Variants in SCARB2 observed in about 807,000 individuals in gnomAD.
The protein encoded by SCARB2 is scavenger receptor class B member 2.
SCARB2 carries 29 observed loss-of-function variants against 58.6 expected under a neutral mutation model. The ratio of observed to expected loss-of-function variants is 0.49; its 90% CI spans 0.37 to 0.67. The LOEUF (loss-of-function observed/expected upper bound fraction) is 0.67, where lower values mean the gene tolerates loss of function less well. Ranked by LOEUF, SCARB2 falls within the 30% of genes least tolerant of loss-of-function variation. The pLI, the probability that SCARB2 is intolerant of heterozygous loss-of-function variation, is 0.00. For synonymous variants in SCARB2, 195 were observed against 210.1 expected (o/e 0.93, Z 0.62); for missense variants, 488 against 578.5 (o/e 0.84, Z 1.60).
chr4:76,217,973 A>G (rs548318610), upstream of SCARB2, among the ~76,000 whole-genome samples: 1 of 152,396 alleles, frequency 6.6e-6, no homozygotes, highest in South Asian at 2.1e-4. Context: ...AATGAGTTTA[A>G]TGATGTAGTC....
At chr4:76,190,765 C>A (rs1029903880) in intron 2 of SCARB2, among the ~76,000 whole-genome samples, 1 of 152,018 alleles carries the variant, frequency 6.6e-6, no homozygotes, top group Non-Finnish European at 1.5e-5. Context: ...GCCTGGGAGA[C>A]AGAATGAGAC....
At position 76,226,211 on chromosome 4, in the gene SCARB2, A is replaced by C. The variant is rs537758099; in HGVS notation, c.-358+8092T>G. ...AAGGCCCTGAGCTCTGGGAACCCAT[A>C]CTATTTACTGGTAATCAAACAAAGA... On this transcript the variant is annotated intron_variant, in intron 1 of 11. Transcript: ENST00000638295. Among the ~76,000 whole-genome samples the C allele has an allele frequency of 1.6e-4, 24 of 152,228 alleles. No individual in the cohort carries two copies. In the South Asian group the frequency reaches 5.0e-3, roughly 32 times the overall value.
upstream of SCARB2, among the ~76,000 whole-genome samples, chr4:76,216,168 CTGT>C (rs1299055365): frequency 6.6e-6 from 1 of 152,194 alleles, no homozygotes; most frequent in Admixed American, 6.5e-5. Flanking sequence ...CTCTTCTCTG[CTGT>C]TAAGTTTCAG....
intron 7 of SCARB2, chr4:76,173,582 C>A: frequency 6.4e-6 from 1 of 156,200 alleles, no homozygotes; most frequent in South Asian, 1.9e-4. Flanking sequence ...AAGCAATCCT[C>A]ACATCTCGGC....
chr4:76,197,766 T>A (rs946344184), intron 1 of SCARB2, among the ~76,000 whole-genome samples: 5 of 152,332 alleles, frequency 3.3e-5, no homozygotes, highest in Admixed American at 6.5e-5. Context: ...ACTTTGAGTG[T>A]CGAGAATTTG....
At chr4:76,181,263 C>T (rs186837971) in intron 2 of SCARB2, among the ~76,000 whole-genome samples, 162 bp from the exon 3 acceptor site, 1 of 152,222 alleles carries the variant, frequency 6.6e-6, no homozygotes. Flanking sequence ...GAGATCGAAG[C>T]TATAATGTGG....
chr4:76,213,666 C>A lies in SCARB2; in HGVS notation c.-123G>T, dbSNP rs1733126150. ...CTTCGGCGCCACGCCCACGCCCTCC[C>A]GGCGCACGGTTCGTGCGCGCAGCTC... On this transcript the variant is annotated 5_prime_UTR_variant, in exon 1 of 12. Coordinates refer to ENST00000264896, the MANE Select transcript of SCARB2 (RefSeq NM_005506.4). The A allele has an allele frequency of 4.0e-6, 3 of 745,990 alleles. No individual in the cohort carries two copies. Among genetic ancestry groups the A allele is most frequent in the Admixed American group, 4.7e-5 (2 of 42,958 alleles). 46.2% of individuals were successfully genotyped at this position (745,990 alleles called of 1,614,324 possible).
At position 76,161,762 on chromosome 4, in the gene SCARB2, G is replaced by C. The variant is rs1392686046; in HGVS notation, c.1399-11C>G. 6.2e-7 allele frequency: 1 copy of C among 1,614,090 alleles called. No individual in the cohort carries two copies. The highest frequency in any genetic ancestry group is 1.7e-5 in the Admixed American group (1 of 60,026). On this transcript the variant is annotated splice_polypyrimidine_tract_variant and intron_variant, in intron 11 of 11. Transcript: ENST00000264896. ...TTCATCCGCTGTTCCCTGAAACACA[G>C]AAGAGAGAAAACAAGTTAGATGTTC...
chr4:76,169,918 T>C lies in SCARB2; in HGVS notation c.1062A>G (p.Glu354=). 1 of 1,614,104 alleles carries C rather than the reference T, an allele frequency of 6.2e-7. No individual in the cohort carries two copies. The highest frequency in any genetic ancestry group is 8.5e-7 in the Non-Finnish European group (1 of 1,179,984). Residue 354 remains glutamate, a synonymous_variant, in exon 8 of 12, where the codon GAA becomes GAG. Transcript: ENST00000264896. The part of the protein sequence containing the change: ...QADERFVSAI[E]GMHPNQEDHE... ...GGTCTTCCTGATTTGGGTGCATGCC[T>C]TCTATGGCAGAAACAAACCTCTCAT...
At chr4:76,168,793 C>T (rs1732067022) in intron 8 of SCARB2, among the ~76,000 whole-genome samples, 1 of 152,238 alleles carries the variant, frequency 6.6e-6, no homozygotes, top group Non-Finnish European at 1.5e-5. Context: ...CTGAATAGCA[C>T]AGCCTTAGAA....
intron 1 of SCARB2, among the ~76,000 whole-genome samples, chr4:76,229,380 G>C (rs921641260): frequency 6.6e-6 from 1 of 152,154 alleles, no homozygotes; most frequent in Non-Finnish European, 1.5e-5. Context: ...TCCATTGCTA[G>C]GGAGCTAGTG....
At chr4:76,183,569 G>C (rs984716033) in intron 2 of SCARB2, among the ~76,000 whole-genome samples, 3 of 151,908 alleles carry the variant, frequency 2.0e-5, no homozygotes, top group Non-Finnish European at 2.9e-5. Flanking sequence ...CTGCAGGCTC[G>C]CTACTCTCCA....
chr4:76,232,176 C>T (rs925601450), intron 1 of SCARB2, among the ~76,000 whole-genome samples: 1 of 152,116 alleles, frequency 6.6e-6, no homozygotes, highest in Non-Finnish European at 1.5e-5. Context: ...AATAAGTTTC[C>T]TTGACTCTGA....
intron 1 of SCARB2, among the ~76,000 whole-genome samples, chr4:76,219,849 G>A (rs1733278653): frequency 6.6e-6 from 1 of 152,124 alleles, no homozygotes; most frequent in African/African-American, 2.4e-5. Context: ...CATATCCTGA[G>A]AGTCTGAAAT....
chr4:76,215,646 T>G (rs983863382), upstream of SCARB2, among the ~76,000 whole-genome samples: 2 of 152,174 alleles, frequency 1.3e-5, no homozygotes, highest in Non-Finnish European at 2.9e-5. Flanking sequence ...AGATCATAAA[T>G]GCCTTGCAAC....
At chr4:76,178,429 T>C (rs1026742944) in intron 4 of SCARB2, among the ~76,000 whole-genome samples, 2 of 152,216 alleles carry the variant, frequency 1.3e-5, no homozygotes, top group African/African-American at 4.8e-5. Context: ...AAAAGTGAGT[T>C]ATATAATGCA....
At chr4:76,223,748 C>T (rs940572865) in intron 1 of SCARB2, among the ~76,000 whole-genome samples, 2 of 152,208 alleles carry the variant, frequency 1.3e-5, no homozygotes, top group African/African-American at 4.8e-5. Context: ...CACAAGTGTG[C>T]TTTTCCATAA....
At chr4:76,222,242 T>C (rs1031454214) in intron 1 of SCARB2, among the ~76,000 whole-genome samples, 3 of 151,770 alleles carry the variant, frequency 2.0e-5, no homozygotes, top group African/African-American at 7.3e-5. Flanking sequence ...TTTTTTTTTT[T>C]CTGAGACCGA....
intron 11 of SCARB2, chr4:76,162,590 T>C (rs1731921939): frequency 6.4e-6 from 1 of 156,954 alleles, no homozygotes; most frequent in African/African-American, 2.4e-5. Flanking sequence ...TATGCAGTGA[T>C]ACCTAAATCA....
Sources: allele counts gnomAD v4.1 joint callset (sites outside exome capture counted in the v4.1 genomes callset), GRCh38; gene constraint gnomAD v4.1.1; transcripts MANE v1.5; gene names NCBI Gene and HGNC (gene_info 2026-07-23, HGNC 2026-07-21).